CCDC125: variants seen among roughly 807,000 people sequenced by gnomAD.
The protein encoded by CCDC125 is coiled-coil domain containing 125.
A neutral mutation model predicts 57.4 loss-of-function variants in CCDC125; 43 were observed. The observed-to-expected ratio is 0.75, with a 90% CI of 0.59 to 0.97. CCDC125 has a LOEUF of 0.97. CCDC125 is among the 50% of genes least tolerant of loss of function. The pLI is 0.00. For missense variants in CCDC125, 563 were observed against 595.7 expected, an observed-to-expected ratio of 0.95 and a Z score of 0.57; for synonymous variants, 187 against 195.2, an observed-to-expected ratio of 0.96 and a Z score of 0.35.
chr5:69,331,701 C>G (rs1236045160), intron 1 of CCDC125, among the ~76,000 whole-genome samples: 1 of 152,140 alleles, frequency 6.6e-6, no homozygotes, highest in Non-Finnish European at 1.5e-5. Context: ...GGGCTCCTCC[C>G]TCAGCTCAGC....
intron 7 of CCDC125, among the ~76,000 whole-genome samples, chr5:69,300,613 A>T (rs1756238944): frequency 1.3e-5 from 2 of 152,132 alleles, no homozygotes. Flanking sequence ...AGAAAACAGT[A>T]TCTTTTCCCT....
At chr5:69,297,181 C>T (rs1042940391) in intron 8 of CCDC125, among the ~76,000 whole-genome samples, 2 of 152,058 alleles carry the variant, frequency 1.3e-5, no homozygotes, top group African/African-American at 4.8e-5. Flanking sequence ...AGATTTCAGG[C>T]ATATGCCACC....
intron 11 of CCDC125, among the ~76,000 whole-genome samples, chr5:69,283,524 CT>C (rs1200679443): frequency 5.4e-4 from 70 of 130,306 alleles, no homozygotes; most frequent in Admixed American, 5.3e-4. Flanking sequence ...CCGGCCAATT[CT>C]TTTTTTTTTT....
chr5:69,287,398 G>A (rs1453817648), intron 10 of CCDC125, among the ~76,000 whole-genome samples: 4 of 151,462 alleles, frequency 2.6e-5, no homozygotes, highest in African/African-American at 9.7e-5. Flanking sequence ...CGAGTAGCTG[G>A]GATTACAGGC....
downstream of CCDC125, among the ~76,000 whole-genome samples, chr5:69,279,979 C>G (rs1416090839): frequency 6.6e-6 from 1 of 152,078 alleles, no homozygotes; most frequent in Non-Finnish European, 1.5e-5. Flanking sequence ...GGAGAGACTA[C>G]CATGTATAAA....
At chr5:69,320,026 CAGG>C (rs1282559665) in intron 2 of CCDC125, among the ~76,000 whole-genome samples, 1 of 152,036 alleles carries the variant, frequency 6.6e-6, no homozygotes, top group Non-Finnish European at 1.5e-5. Context: ...GTGGCTGAGG[CAGG>C]AGAATCGCTT....
chr5:69,286,843 C>A (rs1482329024), intron 10 of CCDC125, among the ~76,000 whole-genome samples: 1 of 151,980 alleles, frequency 6.6e-6, no homozygotes, highest in Admixed American at 6.6e-5. Context: ...ACCCCTTCCA[C>A]GAGGAGCTGT....
chr5:69,276,827 T>G (rs1752197203), downstream of CCDC125: 4 of 807,950 alleles, frequency 5.0e-6, no homozygotes, highest in South Asian at 3.8e-5. Context: ...TTGTATAAAG[T>G]AGAGAGACTG....
At chr5:69,331,521 C>A (rs879786129) in intron 1 of CCDC125, among the ~76,000 whole-genome samples, 3 of 151,954 alleles carry the variant, frequency 2.0e-5, no homozygotes, top group Non-Finnish European at 4.4e-5. Flanking sequence ...TGAGCCACTG[C>A]GCCCAGCCGA....
chr5:69,276,815 A>C, downstream of CCDC125: 1 of 860,998 alleles, frequency 1.2e-6, no homozygotes. Context: ...TTATAAATTT[A>C]ATTGTATAAA....
At chr5:69,328,511 A>G (rs1276202311) in intron 1 of CCDC125, among the ~76,000 whole-genome samples, 1 of 151,932 alleles carries the variant, frequency 6.6e-6, no homozygotes, top group East Asian at 1.9e-4. Flanking sequence ...ATAAAAATAA[A>G]AATACTATGT....
chr5:69,305,375 G>A (rs909801692), intron 6 of CCDC125, among the ~76,000 whole-genome samples: 1 of 152,054 alleles, frequency 6.6e-6, no homozygotes, highest in African/African-American at 2.4e-5. Context: ...ACCACGCCCA[G>A]TTAATTTTTG....
At chr5:69,321,891 T>C (rs1193132660) in intron 1 of CCDC125, among the ~76,000 whole-genome samples, 1 of 152,080 alleles carries the variant, frequency 6.6e-6, no homozygotes, top group Non-Finnish European at 1.5e-5. Context: ...GGCTAGAGTG[T>C]GGTGGCGCAA....
intron 1 of CCDC125, among the ~76,000 whole-genome samples, chr5:69,326,817 A>G (rs541697382): frequency 2.0e-5 from 3 of 152,124 alleles, no homozygotes; most frequent in South Asian, 2.1e-4. Flanking sequence ...TTGTGAGGCC[A>G]AAGAAGGAGG....
At position 69,303,892 on chromosome 5, in the gene CCDC125, T is replaced by C; in HGVS notation, c.655A>G (p.Lys219Glu). 1.2e-6 allele frequency: 2 copies of C among 1,608,546 alleles called. No individual in the cohort carries two copies. Among genetic ancestry groups the C allele is most frequent in the Non-Finnish European group, 1.7e-6 (2 of 1,178,198 alleles). Residue 219 changes from lysine to glutamate, a missense_variant, in exon 7 of 12, where the codon AAA (lysine) becomes GAA (glutamate). Transcript: ENST00000396496. ...CENAVLKENLKVKTEEIKMLK... is the reference protein window; with the variant it reads ...CENAVLKENLEVKTEEIKMLK... ...ATTTTAATTTCTTCTGTTTTCACTTTCAAATTCTCTTTGAGGACTGCATTT... is the reference window on the plus strand; with the variant it reads ...ATTTTAATTTCTTCTGTTTTCACTTCCAAATTCTCTTTGAGGACTGCATTT...
chr5:69,303,520 ATGTCTCGCTAATTTTTGTATT>A (rs1246459344), intron 7 of CCDC125, among the ~76,000 whole-genome samples: 1 of 151,012 alleles, frequency 6.6e-6, no homozygotes, highest in East Asian at 2.0e-4. Context: ...GCGCACCACC[ATGTCTCGCTAATTTTTGTATT>A]TTTGGTAGAA....
chr5:69,307,506 T>C (rs1304399487), intron 5 of CCDC125, among the ~76,000 whole-genome samples: 3 of 151,532 alleles, frequency 2.0e-5, no homozygotes, highest in East Asian at 1.9e-4. Flanking sequence ...CATGGTGAAA[T>C]CCTGTCTCTA....
downstream of CCDC125, among the ~76,000 whole-genome samples, chr5:69,275,866 A>G (rs1265500118): frequency 6.6e-6 from 1 of 152,164 alleles, no homozygotes; most frequent in African/African-American, 2.4e-5. Flanking sequence ...TATATGAAAC[A>G]TAAGTTTCAT....
intron 1 of CCDC125, among the ~76,000 whole-genome samples, chr5:69,326,384 T>G (rs946699113): frequency 6.6e-6 from 1 of 152,220 alleles, no homozygotes; most frequent in African/African-American, 2.4e-5. Context: ...GATTATTTCC[T>G]TAAAAAGGAG....
Sources: allele counts gnomAD v4.1 joint callset (sites outside exome capture counted in the v4.1 genomes callset), GRCh38; gene constraint gnomAD v4.1.1; transcripts MANE v1.5; gene names NCBI Gene and HGNC (gene_info 2026-07-23, HGNC 2026-07-21).